The following ALPI variants were observed in gnomAD, a reference collection of about 807,000 sequenced individuals.
ALPI encodes alkaline phosphatase, intestinal.
In ALPI, 50 loss-of-function variants were observed where a neutral mutation model predicts 51.5. The observed-to-expected ratio is 0.97, with a 90% CI of 0.77 to 1.23. The LOEUF is 1.23. ALPI is among the 50% of genes most tolerant of loss of function. The pLI is 0.00. For missense variants in ALPI, 692 were observed against 722.4 expected, an observed-to-expected ratio of 0.96 and a Z score of 0.48; for synonymous variants, 322 against 308.2, an observed-to-expected ratio of 1.04 and a Z score of -0.47.
chr2:232,456,995 G>A lies in ALPI; in HGVS notation c.397G>A (p.Ala133Thr). The part of the protein sequence containing the change: ...KANFQTIGLS[A>T]AARFNQCNTT... ...CAACTTCCAGACCATCGGCTTGAGT[G>A]CAGCCGCCCGCTTTAACCAGTGCAA... The change falls in exon 4 of 11, where the codon GCA (alanine) becomes ACA (threonine). Residue 133 changes from alanine to threonine, a missense_variant. Physicochemically the swap from Ala to Thr is moderately conservative, Grantham distance 58 (BLOSUM62 0). Coordinates refer to ENST00000295463, the MANE Select transcript of ALPI (RefSeq NM_001631.5). The surrounding 1 kb of genome is among the most constrained non-coding windows in gnomAD (Gnocchi z 4.2). 1 of 1,613,586 alleles carries A rather than the reference G, an allele frequency of 6.2e-7. No individual in the cohort carries two copies. The highest frequency in any genetic ancestry group is 1.7e-5 in the Admixed American group (1 of 60,030).
In ALPI at chr2:232,456,289, T is replaced by C. The variant is rs1446861577; in HGVS notation, c.67+23T>C. On this transcript the variant is annotated intron_variant, in intron 1 of 10. Coordinates refer to ENST00000295463, the MANE Select transcript of ALPI (RefSeq NM_001631.5). The surrounding 1 kb of genome is among the most constrained non-coding windows in gnomAD (Gnocchi z 4.2). ...CAGGTAATGAGGCTCCCCAAGCTGTTCCACACACAGGGCACCCCCTCAGCC... is the reference window on the plus strand; with the variant it reads ...CAGGTAATGAGGCTCCCCAAGCTGTCCCACACACAGGGCACCCCCTCAGCC... 2 of 1,613,980 alleles carry C rather than the reference T, an allele frequency of 1.2e-6. No homozygotes were observed. Among genetic ancestry groups the C allele is most frequent in the Non-Finnish European group, 1.7e-6 (2 of 1,179,984 alleles).
Position 232,457,434 on chromosome 2 carries a change from G to A in ALPI, c.648+112G>A. ...TCAGCAGGTTCTGGAGGTGGAGTTGGGGATGTAGAATGTGCAATACAGGCT... is the reference window on the plus strand; with the variant it reads ...TCAGCAGGTTCTGGAGGTGGAGTTGAGGATGTAGAATGTGCAATACAGGCT... On this transcript the variant is annotated intron_variant, in intron 5 of 10. Coordinates refer to ENST00000295463, the MANE Select transcript of ALPI (RefSeq NM_001631.5). This position sits in a 1 kb window ranked among gnomAD's most constrained non-coding sequence, Gnocchi z 4.7. 15 of 1,548,378 alleles carry A rather than the reference G, an allele frequency of 9.7e-6. No homozygotes were observed. The highest frequency in any genetic ancestry group is 1.3e-5 in the Non-Finnish European group (15 of 1,148,576).
At position 232,459,247 on chromosome 2, in the gene ALPI, C is replaced by T. The variant is rs1690268082; in HGVS notation, c.*101C>T. 1 of 1,411,940 alleles carries T rather than the reference C, an allele frequency of 7.1e-7. No homozygotes were observed. Among genetic ancestry groups the T allele is most frequent in the Non-Finnish European group, 9.4e-7 (1 of 1,068,586 alleles). The allele number at this position is 1,411,940 out of a possible 1,614,324, so 87.5% of individuals were successfully genotyped here. A position where few individuals can be genotyped will look rare whatever the true frequency, so the allele number is the denominator to read the frequency against. On this transcript the variant is annotated 3_prime_UTR_variant, in exon 11 of 11. Transcript: ENST00000295463. ...CAGCGAACACACACAGGTGTCCTGC[C>T]GTTGGACCTTCACCTCCTAGAGATA...
In ALPI at chr2:232,458,993, G is replaced by C; in HGVS notation, c.1434G>C (p.Ala478=). ...VHGVQEQSFV[A]HVMAFAACLE... ...GTGTGCAGGAGCAGAGCTTCGTAGC[G>C]CATGTCATGGCCTTCGCTGCCTGTC... The change falls in exon 11 of 11, where the codon GCG becomes GCC. Residue 478 remains alanine, a synonymous_variant. Coordinates refer to ENST00000295463, the MANE Select transcript of ALPI (RefSeq NM_001631.5). The C allele has an allele frequency of 6.3e-7, 1 of 1,577,944 alleles. No individual in the cohort carries two copies. Among genetic ancestry groups the C allele is most frequent in the Non-Finnish European group, 8.6e-7 (1 of 1,162,320 alleles).
rs1477371601 is a variant in ALPI at position 232,459,031 on chromosome 2, C to G, written c.1472C>G (p.Thr491Arg). ...TTCGCTGCCTGTCTGGAGCCCTACA[C>G]GGCCTGCGACCTGGCGCCTCCCGCC... The part of the protein sequence containing the change: ...MAFAACLEPY[T>R]ACDLAPPACT... Residue 491 changes from threonine (T) to arginine (R), a missense_variant, in exon 11 of 11, where the codon ACG becomes AGG. Physicochemically the swap from Thr to Arg is moderately conservative, Grantham distance 71. Transcript: ENST00000295463. The G allele has an allele frequency of 2.6e-6, 4 of 1,555,830 alleles. No individual in the cohort carries two copies. In the Admixed American group the frequency reaches 7.7e-5, roughly 30 times the overall value.
At position 232,459,119 on chromosome 2, in the gene ALPI, G is replaced by GCCA; in HGVS notation, c.1561_1562insCAC (p.Leu520_Leu521insPro). 1 of 1,535,070 alleles carries GCCA rather than the reference G, an allele frequency of 6.5e-7. No homozygotes were observed. The highest frequency in any genetic ancestry group is 2.4e-5 in the East Asian group (1 of 40,870). Reference sequence around the variant, plus strand: ...TGCCACTGCTGGCCGGGACCCTGCTGCTGCTGGGGGCGTCCGCTGCTCCCT... The same window carrying GCCA: ...TGCCACTGCTGGCCGGGACCCTGCTGCCACTGCTGGGGGCGTCCGCTGCTCCCT... On this transcript the variant is annotated inframe_insertion, in exon 11 of 11. Transcript: ENST00000295463.
At position 232,456,660 on chromosome 2, in the gene ALPI, G is replaced by A. The variant is rs1301786489; in HGVS notation, c.265G>A (p.Ala89Thr). The A allele has an allele frequency of 1.2e-6, 2 of 1,610,592 alleles. No homozygotes were observed. Among genetic ancestry groups the A allele is most frequent in the Non-Finnish European group, 8.5e-7 (1 of 1,178,420 alleles). ...NGKLGPETPL[A>T]MDRFPYLALS... is the part of the protein sequence containing the mutation. ...CAAACTGGGGCCTGAGACGCCCCTG[G>A]CCATGGACCGCTTCCCATACCTGGC... Residue 89 changes from alanine (A) to threonine (T), a missense_variant, in exon 3 of 11, where the codon GCC becomes ACC. By Grantham distance (58) the Ala-to-Thr change is moderately conservative. Coordinates refer to ENST00000295463, the MANE Select transcript of ALPI (RefSeq NM_001631.5). This position sits in a 1 kb window ranked among gnomAD's most constrained non-coding sequence, Gnocchi z 4.2.
At position 232,457,750 on chromosome 2, in the gene ALPI, G is replaced by A. The variant is rs758508313; in HGVS notation, c.784-45G>A. 6.2e-7 allele frequency: 1 copy of A among 1,612,376 alleles called. No individual in the cohort carries two copies. Among genetic ancestry groups the A allele is most frequent in the Non-Finnish European group, 8.5e-7 (1 of 1,178,994 alleles). On this transcript the variant is annotated intron_variant, in intron 6 of 10. Coordinates refer to ENST00000295463, the MANE Select transcript of ALPI (RefSeq NM_001631.5). This position sits in a 1 kb window ranked among gnomAD's most constrained non-coding sequence, Gnocchi z 4.7. ...GGCACGGCAGGGGGAGGCCAAGTGT[G>A]TGGGTCTCAGGGCTGTGGGCTGAAG...
Position 232,456,946 on chromosome 2 carries a change from G to C in ALPI, c.348G>C (p.Thr116=). The C allele has an allele frequency of 6.2e-7, 1 of 1,613,706 alleles. No homozygotes were observed. The highest frequency in any genetic ancestry group is 8.5e-7 in the Non-Finnish European group (1 of 1,180,016). The change falls in exon 4 of 11, where the codon ACG becomes ACC. Residue 116 remains threonine, a synonymous_variant. Coordinates refer to ENST00000295463, the MANE Select transcript of ALPI (RefSeq NM_001631.5). The surrounding 1 kb of genome is among the most constrained non-coding windows in gnomAD (Gnocchi z 4.2). ...RQVPDSAATA[T]AYLCGVKANF... is the part of the protein sequence containing the mutation. ...TGCCAGACAGCGCAGCCACAGCCAC[G>C]GCCTACCTGTGCGGGGTCAAGGCCA...
In ALPI at chr2:232,457,600, C is replaced by T. The variant is rs757100455; in HGVS notation, c.684C>T (p.Pro228=). 7 of 1,613,712 alleles carry T rather than the reference C, an allele frequency of 4.3e-6. No individual in the cohort carries two copies. The highest frequency in any genetic ancestry group is 5.9e-6 in the Non-Finnish European group (7 of 1,179,846). The part of the protein sequence containing the change: ...ILGGGRKYMF[P]MGTPDPEYPA... ...GCGGAGGCCGCAAGTACATGTTTCC[C>T]ATGGGGACCCCAGACCCTGAGTACC... The change falls in exon 6 of 11, where the codon CCC becomes CCT. Residue 228 remains proline (P), a synonymous_variant. Coordinates refer to ENST00000295463, the MANE Select transcript of ALPI (RefSeq NM_001631.5). The surrounding 1 kb of genome is among the most constrained non-coding windows in gnomAD (Gnocchi z 4.7).
Position 232,457,343 on chromosome 2 carries a change from G to T in ALPI, c.648+21G>T. On this transcript the variant is annotated intron_variant, in intron 5 of 10. Coordinates refer to ENST00000295463, the MANE Select transcript of ALPI (RefSeq NM_001631.5). This position sits in a 1 kb window ranked among gnomAD's most constrained non-coding sequence, Gnocchi z 4.7. ...TTGACGTGCGACCCCCGGGCCAAGG[G>T]CTGGGGCTGGGCAGAGGGGAAGGTG... 1 of 1,586,552 alleles carries T rather than the reference G, an allele frequency of 6.3e-7. No individual in the cohort carries two copies. Among genetic ancestry groups the T allele is most frequent in the Non-Finnish European group, 8.6e-7 (1 of 1,165,904 alleles).
At chr2:232,458,597 T>C (rs1288526213) in intron 9 of ALPI, 35 bp from the exon 10 acceptor site, 1 of 1,601,174 alleles carries the variant, frequency 6.2e-7, no homozygotes, top group African/African-American at 1.3e-5. Context: ...ACAGCTGTGG[T>C]CAGCTCAACT....
rs1442136286 is a variant in ALPI, at chr2:232,456,725, A to C, written c.300+30A>C. ...GGGCTGGGCCACCTCAGAGTCCTCC[A>C]AGCAGAGGAGAGGGATCAAGGATAT... On this transcript the variant is annotated intron_variant, in intron 3 of 10. Transcript: ENST00000295463. This position sits in a 1 kb window ranked among gnomAD's most constrained non-coding sequence, Gnocchi z 4.2. 6.4e-7 allele frequency: 1 copy of C among 1,570,902 alleles called. No homozygotes were observed. The highest frequency in any genetic ancestry group is 2.3e-5 in the East Asian group (1 of 43,016).
chr2:232,458,180 C>T, intron 8 of ALPI, 37 bp from the exon 9 acceptor site: 1 of 1,613,506 alleles, frequency 6.2e-7, no homozygotes. Flanking sequence ...CGCGGCAGGG[C>T]AGGTTCAAGC....
rs747066349 is a variant in ALPI at position 232,457,761 on chromosome 2, G to C, written c.784-34G>C. ...GGGAGGCCAAGTGTGTGGGTCTCAG[G>C]GCTGTGGGCTGAAGCCTGGCTCTGT... On this transcript the variant is annotated intron_variant, in intron 6 of 10. Transcript: ENST00000295463. This position sits in a 1 kb window ranked among gnomAD's most constrained non-coding sequence, Gnocchi z 4.7. 1 of 1,613,268 alleles carries C rather than the reference G, an allele frequency of 6.2e-7. No homozygotes were observed. The highest frequency in any genetic ancestry group is 1.7e-5 in the Admixed American group (1 of 59,976).
Position 232,456,475 on chromosome 2 carries a change from C to A in ALPI, c.184+10C>A, listed in dbSNP as rs1033193145. 6.2e-7 allele frequency: 1 copy of A among 1,613,816 alleles called. No individual in the cohort carries two copies. Among genetic ancestry groups the A allele is most frequent in the African/African-American group, 1.3e-5 (1 of 74,928 alleles). On this transcript the variant is annotated intron_variant, in intron 2 of 10. Transcript: ENST00000295463. The surrounding 1 kb of genome is among the most constrained non-coding windows in gnomAD (Gnocchi z 4.2). ...CTCTTCCTGGGCGATGGTGAGTGAG[C>A]AAGGCCTGTCCAGCCCCGTAGTCCT... is the stretch of plus-strand genomic sequence containing the variant.
chr2:232,458,249 G>A lies in ALPI; in HGVS notation c.1024G>A (p.Val342Met), dbSNP rs532181225. The change falls in exon 9 of 11, where the codon GTG becomes ATG. Residue 342 changes from valine to methionine, a missense_variant. Val to Met is a conservative substitution (Grantham distance 21). Coordinates refer to ENST00000295463, the MANE Select transcript of ALPI (RefSeq NM_001631.5). ...GRIDHGHHEG[V>M]AYQALTEAVM... Reference sequence around the variant, plus strand: ...CATCGACCATGGTCATCATGAGGGTGTGGCTTACCAGGCACTCACTGAGGC... The same window carrying A: ...CATCGACCATGGTCATCATGAGGGTATGGCTTACCAGGCACTCACTGAGGC... The A allele has an allele frequency of 1.2e-6, 2 of 1,614,178 alleles. No homozygotes were observed. The highest frequency in any genetic ancestry group is 2.7e-5 in the African/African-American group (2 of 75,074).
chr2:232,458,216 G>A lies in ALPI; in HGVS notation c.992-1G>A. The A allele has an allele frequency of 6.2e-7, 1 of 1,614,070 alleles. No homozygotes were observed. Among genetic ancestry groups the A allele is most frequent in the Admixed American group, 1.7e-5 (1 of 60,020 alleles). ...ATCACCCCCCTCTGGCCTTCCTGCA[G>A]GCGGCCGCATCGACCATGGTCATCA... On this transcript the variant is annotated splice_acceptor_variant, in intron 8 of 10. Transcript: ENST00000295463. LOFTEE classifies it high-confidence loss of function.
rs766754479 is a variant in ALPI, at chr2:232,456,591, C to A, written c.196C>A (p.Pro66Thr). The change falls in exon 3 of 11, where the codon CCC (proline) becomes ACC (threonine). Residue 66 changes from proline to threonine, a missense_variant. Pro to Thr is a conservative substitution (Grantham distance 38). Transcript: ENST00000295463. This position sits in a 1 kb window ranked among gnomAD's most constrained non-coding sequence, Gnocchi z 4.2. ...TTCTGCTCCTTCAGGGTTGGGGGTG[C>A]CCACGGTGACAGCCACCAGGATCCT... is the stretch of plus-strand genomic sequence containing the variant. ...ILFLGDGLGV[P>T]TVTATRILKG... The A allele has an allele frequency of 6.2e-7, 1 of 1,612,426 alleles. No individual in the cohort carries two copies. The highest frequency in any genetic ancestry group is 8.5e-7 in the Non-Finnish European group (1 of 1,179,192).
Sources: gnomAD v4.1 joint callset for allele counts on GRCh38, gnomAD v4.1.1 for gene constraint, Gnocchi (gnomAD v3.1) non-coding constraint, MANE v1.5 for transcripts, NCBI Gene and HGNC (gene_info 2026-07-23, HGNC 2026-07-21) for gene names.